The following PAK3 variants were observed in gnomAD, a reference collection of about 807,000 sequenced individuals.
PAK3 encodes the protein serine/threonine-protein kinase PAK 3.
A neutral mutation model predicts 41.0 loss-of-function variants in PAK3; 4 were observed. The observed-to-expected ratio is 0.10, with a 90% CI of 0.05 to 0.22. The LOEUF (loss-of-function observed/expected upper bound fraction) is 0.22, where lower values mean the gene tolerates loss of function less well. Among genes scored for constraint, PAK3 ranks in the 10% least tolerant of loss-of-function variants. PAK3 has a pLI of 1.00. For synonymous variants in PAK3, 146 were observed against 139.6 expected (o/e 1.05, Z -0.32); for missense variants, 205 against 409.9 (o/e 0.50, Z 4.32).
chrX:110,995,990 A>G (rs1315203066), intron 1 of PAK3, among the ~76,000 whole-genome samples: 1 of 111,917 alleles, frequency 8.9e-6, no homozygotes, highest in Admixed American at 9.5e-5. Context: ...CCCTGTCTCA[A>G]GTAGGTTCTT....
chrX:111,123,035 C>T lies in PAK3; in HGVS notation c.-27-42C>T, dbSNP rs191441640. 158 of 788,682 alleles carry T rather than the reference C, an allele frequency of 2.0e-4. No individual in the cohort carries two copies. In the African/African-American group the frequency reaches 2.7e-3, roughly 13 times the overall value. 65.0% of individuals were successfully genotyped at this position (788,682 alleles called of 1,213,427 possible). ...CCACATATTTATTAGGTTTTTAGACCTCTTCTCCCTCAACTCCTTTTTTTT... is the reference window on the plus strand; with the variant it reads ...CCACATATTTATTAGGTTTTTAGACTTCTTCTCCCTCAACTCCTTTTTTTT... On this transcript the variant is annotated intron_variant, in intron 4 of 17. Transcript: ENST00000372007.
chrX:110,963,017 G>A (rs1005743826), intron 1 of PAK3, among the ~76,000 whole-genome samples: 5 of 111,692 alleles, frequency 4.5e-5, no homozygotes, highest in African/African-American at 1.6e-4. Context: ...GGCTGCTGGT[G>A]CCTGTTATAC....
chrX:111,217,475 C>T (rs1485552302), intron 17 of PAK3: 1 of 940,245 alleles, frequency 1.1e-6, no homozygotes, highest in Non-Finnish European at 1.4e-6. Flanking sequence ...TTATACAGCG[C>T]ATTAACCACA....
chrX:110,990,570 A>G (rs768782352), intron 1 of PAK3, among the ~76,000 whole-genome samples: 1 of 110,387 alleles, frequency 9.1e-6, no homozygotes, highest in African/African-American at 3.3e-5. Flanking sequence ...GTGACCATGG[A>G]AGGATTCCTG....
intron 1 of PAK3, among the ~76,000 whole-genome samples, chrX:111,090,323 G>C (rs753582575): frequency 9.0e-6 from 1 of 111,415 alleles, no homozygotes; most frequent in African/African-American, 3.3e-5. Flanking sequence ...GGTTGCAGAG[G>C]TTCCTCACTC....
At chrX:111,107,316 G>A (rs1472688120) in intron 4 of PAK3, among the ~76,000 whole-genome samples, 1 of 112,076 alleles carries the variant, frequency 8.9e-6, no homozygotes, top group East Asian at 2.8e-4. Context: ...GGATGATAAG[G>A]TAAATTTGTA....
chrX:111,063,132 G>C (rs1269987816), intron 1 of PAK3, among the ~76,000 whole-genome samples: 1 of 112,296 alleles, frequency 8.9e-6, no homozygotes, highest in East Asian at 2.8e-4. Flanking sequence ...ATGAAACAAA[G>C]TGTTCCTTAG....
At chrX:110,959,641 T>C (rs1379654952) in intron 1 of PAK3, among the ~76,000 whole-genome samples, 2 of 111,408 alleles carry the variant, frequency 1.8e-5, no homozygotes, top group East Asian at 5.7e-4. Flanking sequence ...CAGGTGATAC[T>C]AGTGTGCTGT....
At chrX:111,121,818 C>T (rs757889748) in intron 4 of PAK3, among the ~76,000 whole-genome samples, 1 of 111,395 alleles carries the variant, frequency 9.0e-6, no homozygotes, top group South Asian at 3.8e-4. Flanking sequence ...GGGTCAGGAC[C>T]TTATGGAAGG....
chrX:111,196,469 C>A lies in PAK3; in HGVS notation c.1236C>A (p.Ile412=). Residue 412 remains isoleucine (I), a synonymous_variant, in exon 16 of 18, where the codon ATC becomes ATA. Coordinates refer to ENST00000372007, the MANE Select transcript of PAK3 (RefSeq NM_002578.5). The stretch of plus-strand genomic sequence containing the variant: ...CTGACTTTGGGTTCTGTGCCCAGAT[C>A]ACTCCTGAGCAAAGTAAACGAAGCA... ...KLTDFGFCAQ[I]TPEQSKRSTM... 8.3e-7 allele frequency: 1 copy of A among 1,208,992 alleles called. No homozygotes were observed. The highest frequency in any genetic ancestry group is 1.1e-6 in the Non-Finnish European group (1 of 892,941).
At chrX:110,983,907 G>A (rs926535669) in intron 1 of PAK3, among the ~76,000 whole-genome samples, 2 of 111,885 alleles carry the variant, frequency 1.8e-5, no homozygotes, top group African/African-American at 6.5e-5. Flanking sequence ...GTTATCCTGA[G>A]TTCTTCTTGT....
chrX:110,996,239 T>C (rs538397929), intron 1 of PAK3, among the ~76,000 whole-genome samples: 3 of 112,199 alleles, frequency 2.7e-5, no homozygotes, highest in African/African-American at 9.7e-5. Context: ...TCTTGGTGCT[T>C]ATCACAAACT....
intron 1 of PAK3, among the ~76,000 whole-genome samples, chrX:111,004,753 C>G (rs1040255509): frequency 8.9e-6 from 1 of 112,207 alleles, no homozygotes; most frequent in Non-Finnish European, 1.9e-5. Context: ...ACACTGAGCT[C>G]CAATTAAGGA....
Position 111,096,330 on chromosome X carries a change from C to T in PAK3, c.-438C>T, listed in dbSNP as rs1603201236. On this transcript the variant is annotated 5_prime_UTR_variant, in exon 1 of 18. Transcript: ENST00000372007. The stretch of plus-strand genomic sequence containing the variant: ...CTGGGCCCGGGGCTGCGGCTGCGGC[C>T]GCGGGGCTGCGGCTCCCCAGCCCCG... The T allele has an allele frequency of 9.0e-6, 1 of 111,339 alleles. No individual in the cohort carries two copies. The highest frequency in any genetic ancestry group is 1.9e-5 in the Non-Finnish European group (1 of 52,917). 9.2% of individuals were successfully genotyped at this position (111,339 alleles called of 1,213,427 possible). A position where few individuals can be genotyped will look rare whatever the true frequency, so the allele number is the denominator to read the frequency against.
intron 8 of PAK3, among the ~76,000 whole-genome samples, chrX:111,161,672 G>T (rs907867362): frequency 3.6e-5 from 4 of 111,311 alleles, no homozygotes; most frequent in Non-Finnish European, 7.5e-5. Context: ...TCCAGTTTCA[G>T]CTTTCTACAT....
intron 11 of PAK3, among the ~76,000 whole-genome samples, chrX:111,185,243 TG>T (rs757924662): frequency 1.3e-4 from 15 of 112,041 alleles, no homozygotes; most frequent in East Asian, 5.6e-4. Context: ...TTGATGGGAT[TG>T]TTTTTTTTCT....
At chrX:111,210,565 G>C (rs778324785) in intron 16 of PAK3, among the ~76,000 whole-genome samples, 21 of 111,829 alleles carry the variant, frequency 1.9e-4, no homozygotes, top group Middle Eastern at 4.6e-3. Context: ...TAGGTTCTGA[G>C]CTTTAATACT....
intron 1 of PAK3, chrX:111,013,783 G>A (rs2092047037): frequency 9.0e-6 from 1 of 111,351 alleles, no homozygotes; most frequent in African/African-American, 3.3e-5. Context: ...TATTTTGCCT[G>A]ACTCACTCTT....
intron 16 of PAK3, among the ~76,000 whole-genome samples, chrX:111,207,948 C>T (rs1281705677): frequency 8.9e-6 from 1 of 112,027 alleles, no homozygotes; most frequent in East Asian, 2.8e-4. Flanking sequence ...GTGCCTGCCA[C>T]CACACTCAGC....
Sources: gnomAD v4.1 joint callset for allele counts (sites outside exome capture counted in the v4.1 genomes callset) on GRCh38, gnomAD v4.1.1 for gene constraint, MANE v1.5 for transcripts, NCBI Gene and HGNC (gene_info 2026-07-23, HGNC 2026-07-21) for gene names.